SPTB: variants seen among roughly 807,000 people sequenced by gnomAD.
SPTB encodes spectrin beta chain, erythrocytic.
A neutral mutation model predicts 256.2 loss-of-function variants in SPTB; 45 were observed. The ratio of observed to expected loss-of-function variants is 0.18; its 90% CI spans 0.14 to 0.23. SPTB has a LOEUF of 0.23. Ranked by LOEUF, SPTB falls within the 10% of genes least tolerant of loss-of-function variation. The pLI is 1.00. For synonymous variants in SPTB, 1,231 were observed against 1,243.1 expected (o/e 0.99, Z 0.21); for missense variants, 2,715 against 3,040.4 (o/e 0.89, Z 2.52).
intron 32 of SPTB, among the ~76,000 whole-genome samples, chr14:64,766,095 T>G (rs2082174725): frequency 6.9e-6 from 1 of 145,020 alleles, no homozygotes; most frequent in African/African-American, 2.6e-5. Flanking sequence ...TATGCGTGTG[T>G]GGGTGTGTGT....
chr14:64,870,505 C>T (rs757701230), intron 1 of SPTB, among the ~76,000 whole-genome samples: 15 of 152,316 alleles, frequency 9.8e-5, no homozygotes, highest in Non-Finnish European at 1.9e-4. Flanking sequence ...GCAAATTAAA[C>T]ATCACCTGCC....
At chr14:64,829,802 A>G (rs1011334963) in intron 1 of SPTB, among the ~76,000 whole-genome samples, 1 of 152,188 alleles carries the variant, frequency 6.6e-6, no homozygotes, top group Non-Finnish European at 1.5e-5. Context: ...CCTAGAATAA[A>G]AGTCAACCCC....
rs568863982 is a variant in SPTB at position 64,803,060 on chromosome 14, G to A, written c.474+547C>T. Reference sequence around the variant, plus strand: ...CACTTGGTTGAGGTCTTTAGTCCGCGAGTTGTATGCTCTCTTCTTTCTCCT... The same window carrying A: ...CACTTGGTTGAGGTCTTTAGTCCGCAAGTTGTATGCTCTCTTCTTTCTCCT... On this transcript the variant is annotated intron_variant, in intron 4 of 35. Coordinates refer to ENST00000644917, the MANE Select transcript of SPTB (RefSeq NM_001355436.2). Among the ~76,000 whole-genome samples the A allele has an allele frequency of 1.8e-4, 27 of 152,246 alleles. No individual in the cohort carries two copies. The South Asian group carries it at 3.9e-3, about 22-fold the overall frequency.
chr14:64,854,809 A>C (rs549696039), intron 1 of SPTB, among the ~76,000 whole-genome samples: 19 of 152,274 alleles, frequency 1.2e-4, no homozygotes, highest in African/African-American at 4.6e-4. Flanking sequence ...ATTGAGGGGA[A>C]AACTGAGAAA....
At chr14:64,804,410 G>A (rs2082944621) in intron 3 of SPTB, among the ~76,000 whole-genome samples, 1 of 152,250 alleles carries the variant, frequency 6.6e-6, no homozygotes, top group Admixed American at 6.5e-5. Flanking sequence ...GGGAAATGGA[G>A]GAAAAGAGGG....
chr14:64,824,418 C>G lies in SPTB; in HGVS notation c.-51-1273G>C, dbSNP rs929395641. 3.9e-5 allele frequency among the ~76,000 whole-genome samples: 6 copies of G among 152,020 alleles called. No individual in the cohort carries two copies. The highest frequency in any genetic ancestry group is 1.4e-4 in the African/African-American group (6 of 41,382). On this transcript the variant is annotated intron_variant, in intron 1 of 35. Coordinates refer to ENST00000644917, the MANE Select transcript of SPTB (RefSeq NM_001355436.2). The surrounding 1 kb of genome is among the most constrained non-coding windows in gnomAD (Gnocchi z 5.7). ...CAGGGGAGAAAAGTGAGGAGGGGGC[C>G]AGGGGAGCCAGGCTTGGTCTTCAAT...
intron 2 of SPTB, among the ~76,000 whole-genome samples, chr14:64,822,011 G>C (rs191290322): frequency 1.9e-4 from 29 of 151,946 alleles, no homozygotes; most frequent in African/African-American, 6.3e-4. Flanking sequence ...GGCAGCGGGA[G>C]AATCACTCCA....
intron 26 of SPTB, among the ~76,000 whole-genome samples, chr14:64,771,992 G>A (rs961066591): frequency 6.6e-6 from 1 of 152,168 alleles, no homozygotes; most frequent in Non-Finnish European, 1.5e-5. Flanking sequence ...GGCACCCTAC[G>A]GATCTGCGGA....
intron 33 of SPTB, 112 bp downstream of exon 33, chr14:64,753,425 G>A: frequency 1.3e-6 from 2 of 1,545,624 alleles, no homozygotes; most frequent in Non-Finnish European, 1.8e-6. Flanking sequence ...ACAGGCCAAG[G>A]CAGAAGGCAC....
chr14:64,771,260 G>A, intron 26 of SPTB, 131 bp from the exon 27 acceptor site: 1 of 1,424,338 alleles, frequency 7.0e-7, no homozygotes, highest in South Asian at 1.2e-5. Flanking sequence ...AGGATCTTCA[G>A]CCTCCACCCA....
Position 64,876,709 on chromosome 14 carries a change from C to A in SPTB, c.-52+3083G>T, listed in dbSNP as rs116372916. 6.1e-3 allele frequency among the ~76,000 whole-genome samples: 926 copies of A among 152,260 alleles called. 9 individuals carry two copies. Among genetic ancestry groups the A allele is most frequent in the African/African-American group, 0.022 (894 of 41,550 alleles). ...TATAGAACAGTTTAGAGTTTAAAGC[C>A]TGAGACTGCCTTCTCTCCTGCTTAT... On this transcript the variant is annotated intron_variant, in intron 1 of 35. Transcript: ENST00000644917.
In SPTB at chr14:64,790,959, C is replaced by T. The variant is rs1189843261; in HGVS notation, c.2804+760G>A. ...AATTCTCCTCTTCCTTCAAGCCAGC[C>T]TCATTATCGATACTGCATTTGGCAG... On this transcript the variant is annotated intron_variant, in intron 15 of 35. Coordinates refer to ENST00000644917, the MANE Select transcript of SPTB (RefSeq NM_001355436.2). This position sits in a 1 kb window ranked among gnomAD's most constrained non-coding sequence, Gnocchi z 4.8. Among the ~76,000 whole-genome samples the T allele has an allele frequency of 6.6e-6, 1 of 152,192 alleles. No homozygotes were observed. The highest frequency in any genetic ancestry group is 2.4e-5 in the African/African-American group (1 of 41,442).
In SPTB at chr14:64,801,894, G is replaced by A; in HGVS notation, c.567-60C>T. The A allele has an allele frequency of 2.6e-6, 4 of 1,516,306 alleles. No individual in the cohort carries two copies. In the South Asian group the frequency reaches 4.5e-5, roughly 17 times the overall value. The allele number at this position is 1,516,306 out of a possible 1,614,324, so 93.9% of individuals were successfully genotyped here. ...AGATTTTTTGTAGTCCCAAACAAGT[G>A]TACAAATTGAGGGCCAATATACCAG... On this transcript the variant is annotated intron_variant, in intron 5 of 35. Coordinates refer to ENST00000644917, the MANE Select transcript of SPTB (RefSeq NM_001355436.2).
Position 64,825,230 on chromosome 14 carries a change from G to A in SPTB, c.-51-2085C>T, listed in dbSNP as rs985165198. 6.6e-6 allele frequency among the ~76,000 whole-genome samples: 1 copy of A among 152,158 alleles called. No individual in the cohort carries two copies. The highest frequency in any genetic ancestry group is 1.5e-5 in the Non-Finnish European group (1 of 68,022). On this transcript the variant is annotated intron_variant, in intron 1 of 35. Coordinates refer to ENST00000644917, the MANE Select transcript of SPTB (RefSeq NM_001355436.2). The surrounding 1 kb of genome is among the most constrained non-coding windows in gnomAD (Gnocchi z 4.8). ...GGACAGAGGGCATTTCCCAGCCAGG[G>A]CTTAGCAAAAGTGTTTGCCACTCAA... is the stretch of plus-strand genomic sequence containing the variant.
chr14:64,834,428 C>CTT (rs553895880), intron 1 of SPTB, among the ~76,000 whole-genome samples: 6 of 134,656 alleles, frequency 4.5e-5, no homozygotes, highest in South Asian at 2.4e-4. Flanking sequence ...CTCTACAAAT[C>CTT]TTTTTTTTTT....
intron 1 of SPTB, among the ~76,000 whole-genome samples, chr14:64,860,479 G>T (rs568344388): frequency 6.6e-6 from 1 of 151,972 alleles, no homozygotes; most frequent in Non-Finnish European, 1.5e-5. Context: ...CACCCAGGTA[G>T]GCGCACATGT....
At chr14:64,787,610 T>C (rs2139571689) in intron 15 of SPTB, among the ~76,000 whole-genome samples, 1 of 152,334 alleles carries the variant, frequency 6.6e-6, no homozygotes, top group East Asian at 1.9e-4. Context: ...CAACGTCTCC[T>C]AGGGCCTGAA....
intron 13 of SPTB, 121 bp downstream of exon 13, chr14:64,794,346 C>G: frequency 1.5e-6 from 2 of 1,364,944 alleles, no homozygotes; most frequent in South Asian, 2.5e-5. Flanking sequence ...TGGACCATTA[C>G]TTGATGAAAG....
At chr14:64,849,222 A>T (rs2083741097) in intron 1 of SPTB, among the ~76,000 whole-genome samples, 1 of 152,340 alleles carries the variant, frequency 6.6e-6, no homozygotes, top group African/African-American at 2.4e-5. Flanking sequence ...AACGTTCTGA[A>T]TTTGAAAACA....
Sources: allele counts gnomAD v4.1 joint callset (sites outside exome capture counted in the v4.1 genomes callset), GRCh38; gene constraint gnomAD v4.1.1; non-coding constraint Gnocchi (gnomAD v3.1); transcripts MANE v1.5; gene names NCBI Gene and HGNC (gene_info 2026-07-23, HGNC 2026-07-21).